Variants in CA10 observed in about 807,000 individuals in gnomAD.
CA10 encodes carbonic anhydrase-related protein 10.
Under a neutral mutation model 44.2 loss-of-function variants are expected in CA10, and 14 were observed. The observed-to-expected ratio is 0.32, with a 90% CI of 0.21 to 0.50. CA10 has a LOEUF of 0.50. CA10 is among the 20% of genes least tolerant of loss of function. CA10 has a pLI of 0.99. For missense variants in CA10, 350 were observed against 409.7 expected, an observed-to-expected ratio of 0.85 and a Z score of 1.26; for synonymous variants, 159 against 141.6, an observed-to-expected ratio of 1.12 and a Z score of -0.87.
intron 3 of CA10, among the ~76,000 whole-genome samples, chr17:51,795,244 CA>C (rs1388470825): frequency 6.6e-6 from 1 of 151,258 alleles, no homozygotes; most frequent in African/African-American, 2.4e-5. Flanking sequence ...GATCCATACT[CA>C]AAGCTGTCTC....
At chr17:51,992,486 A>G (rs1474882269) in intron 2 of CA10, among the ~76,000 whole-genome samples, 4 of 152,158 alleles carry the variant, frequency 2.6e-5, no homozygotes, top group Non-Finnish European at 5.9e-5. Flanking sequence ...CAAAACTTGT[A>G]AAGTAAATAC....
At chr17:51,991,147 C>T (rs1022692153) in intron 2 of CA10, among the ~76,000 whole-genome samples, 1 of 152,070 alleles carries the variant, frequency 6.6e-6, no homozygotes. Context: ...GGGTTTCTGA[C>T]AGCAATGAGA....
In CA10 at chr17:51,703,449, C is replaced by G. The variant is rs151286533; in HGVS notation, c.465+44184G>C. Among the ~76,000 whole-genome samples, 153 of 152,168 alleles carry G rather than the reference C, an allele frequency of 1.0e-3. 1 individual carries two copies. Among genetic ancestry groups the G allele is most frequent in the African/African-American group, 3.4e-3 (140 of 41,536 alleles). ...CTGGGGTGGGCCAGCCCCTTAGACT[C>G]TATGGTCTCATTCTCTTTGTTTACA... On this transcript the variant is annotated intron_variant, in intron 4 of 8. Transcript: ENST00000451037.
intron 3 of CA10, among the ~76,000 whole-genome samples, chr17:51,863,220 T>C (rs1325796105): frequency 2.0e-5 from 3 of 152,230 alleles, no homozygotes; most frequent in South Asian, 2.1e-4. Flanking sequence ...GTTGTTGTTA[T>C]CATCATCGAT....
At chr17:51,967,953 C>T (rs1984142774) in intron 2 of CA10, among the ~76,000 whole-genome samples, 1 of 151,722 alleles carries the variant, frequency 6.6e-6, no homozygotes, top group Non-Finnish European at 1.5e-5. Flanking sequence ...GTGTGTTACC[C>T]TATATTGAAA....
At chr17:52,080,708 C>A (rs956843694) in intron 1 of CA10, among the ~76,000 whole-genome samples, 1 of 152,054 alleles carries the variant, frequency 6.6e-6, no homozygotes, top group African/African-American at 2.4e-5. Flanking sequence ...TCTCTCCACA[C>A]CTTCACTCTG....
chr17:51,905,551 T>TCC (rs1194043088), intron 3 of CA10, among the ~76,000 whole-genome samples: 1 of 136,438 alleles, frequency 7.3e-6, no homozygotes, highest in African/African-American at 3.2e-5. Flanking sequence ...TTTTTTTTTT[T>TCC]ACAACTCTAC....
chr17:51,808,038 C>T (rs1907200260), intron 3 of CA10, among the ~76,000 whole-genome samples: 1 of 152,182 alleles, frequency 6.6e-6, no homozygotes, highest in African/African-American at 2.4e-5. Context: ...AAAGTTTCCA[C>T]TGTCATATCC....
intron 4 of CA10, among the ~76,000 whole-genome samples, chr17:51,665,237 AAC>A (rs1000579303): frequency 5.3e-5 from 8 of 152,220 alleles, no homozygotes; most frequent in African/African-American, 1.9e-4. Flanking sequence ...AATAAGCAGA[AAC>A]ACACACTGGT....
At chr17:52,150,929 A>G (rs1989689741) in intron 1 of CA10, among the ~76,000 whole-genome samples, 1 of 152,180 alleles carries the variant, frequency 6.6e-6, no homozygotes, top group African/African-American at 2.4e-5. Context: ...TTTATAAAAA[A>G]TGAATTTTTA....
At chr17:51,698,706 TCTC>T (rs1286598478) in intron 4 of CA10, among the ~76,000 whole-genome samples, 2 of 152,190 alleles carry the variant, frequency 1.3e-5, no homozygotes, top group Admixed American at 1.3e-4. Flanking sequence ...TTTGCCCAGA[TCTC>T]CTCATTTGCC....
At chr17:51,973,187 C>T (rs1482519569) in intron 2 of CA10, among the ~76,000 whole-genome samples, 3 of 152,180 alleles carry the variant, frequency 2.0e-5, no homozygotes, top group African/African-American at 7.2e-5. Context: ...AGAGAGAACA[C>T]AAGGCTGTGA....
At chr17:52,052,945 G>A (rs1416996773) in intron 2 of CA10, among the ~76,000 whole-genome samples, 2 of 151,962 alleles carry the variant, frequency 1.3e-5, no homozygotes, top group Non-Finnish European at 2.9e-5. Context: ...GAGAGAGAGT[G>A]TGTGTGAGTG....
chr17:51,710,028 C>T (rs78098289), intron 4 of CA10, among the ~76,000 whole-genome samples: 7,435 of 152,230 alleles, frequency 0.049, 304 homozygotes, highest in African/African-American at 0.088. Flanking sequence ...GGTGATCCAT[C>T]TATGAAAAGT....
At chr17:51,802,296 C>T (rs779761745) in intron 3 of CA10, among the ~76,000 whole-genome samples, 8 of 152,146 alleles carry the variant, frequency 5.3e-5, no homozygotes, top group Non-Finnish European at 1.2e-4. Flanking sequence ...TGTTTTTCAT[C>T]ACATGATAGT....
At chr17:51,966,439 A>G (rs1054491511) in intron 2 of CA10, among the ~76,000 whole-genome samples, 20 of 151,912 alleles carry the variant, frequency 1.3e-4, no homozygotes, top group Admixed American at 9.8e-4. Context: ...GAGGTATCAC[A>G]TTACCTGACT....
intron 3 of CA10, among the ~76,000 whole-genome samples, chr17:51,854,495 G>C (rs951595823): frequency 4.6e-5 from 7 of 152,204 alleles, no homozygotes; most frequent in African/African-American, 1.7e-4. Flanking sequence ...TCAGGGACTA[G>C]TTTTGTGGGT....
At chr17:51,633,847 C>T (rs1912706828) in intron 7 of CA10, among the ~76,000 whole-genome samples, 197 bp from the exon 8 acceptor site, 1 of 152,204 alleles carries the variant, frequency 6.6e-6, no homozygotes, top group Non-Finnish European at 1.5e-5. Context: ...ATGAAGCCAG[C>T]CTTTCTTCTA....
chr17:51,906,547 A>G (rs973898892), intron 3 of CA10, among the ~76,000 whole-genome samples: 2 of 152,104 alleles, frequency 1.3e-5, no homozygotes, highest in African/African-American at 4.8e-5. Context: ...CACTCCCTGG[A>G]TAGTCTAATG....
Sources: allele counts gnomAD v4.1 joint callset (sites outside exome capture counted in the v4.1 genomes callset), GRCh38; gene constraint gnomAD v4.1.1; transcripts MANE v1.5; gene names NCBI Gene and HGNC (gene_info 2026-07-23, HGNC 2026-07-21).